Variants in HHIPL1 observed in about 807,000 individuals in gnomAD.
HHIPL1 encodes HHIP like 1.
A neutral mutation model predicts 61.8 loss-of-function variants in HHIPL1; 43 were observed. The ratio of observed to expected loss-of-function variants is 0.70; its 90% CI spans 0.55 to 0.90. The LOEUF (loss-of-function observed/expected upper bound fraction) is 0.90. Ranked by LOEUF, HHIPL1 falls within the 40% of genes least tolerant of loss-of-function variation. The pLI is 0.00. For missense variants in HHIPL1, 1,056 were observed against 1,157.7 expected (o/e 0.91, Z 1.28); for synonymous variants, 482 against 515.8 (o/e 0.93, Z 0.89).
intron 6 of HHIPL1, among the ~76,000 whole-genome samples, chr14:99,664,240 G>A (rs535284597): frequency 6.6e-6 from 1 of 152,170 alleles, no homozygotes; most frequent in Non-Finnish European, 1.5e-5. Context: ...CCCCTGCCCG[G>A]CTCAGTGCCC....
At chr14:99,631,048 TTTTCTTTCTTTCTTTCTTTCTTTC>T in the HHIPL1 span, among the ~76,000 whole-genome samples, 70 of 120,506 alleles carry the variant, frequency 5.8e-4, 1 homozygote, top group South Asian at 6.8e-3. Context: ...AGTGGCTCCA[TTTTCTTTCTTTCTTTCTTTCTTTC>T]TTTCTTTCTT....
chr14:99,633,713 C>A, the HHIPL1 span, among the ~76,000 whole-genome samples: 33 of 152,370 alleles, frequency 2.2e-4, no homozygotes, highest in African/African-American at 7.5e-4. Flanking sequence ...CCCTCCCTTA[C>A]AGGGGCCACT....
At position 99,675,533 on chromosome 14, in the gene HHIPL1, G is replaced by A. The variant is rs1286920741; in HGVS notation, c.2256G>A (p.Leu752=). ...GCTGCGCGGGCTGGGAGCGGAACCT[G>A]CTGGAGTGCCAGCACAACGGCGTGG... ...DVRCAGWERN[L]LECQHNGVGT... The change falls in exon 9 of 9, where the codon CTG becomes CTA. Residue 752 remains leucine (L), a synonymous_variant. Coordinates refer to ENST00000330710, the MANE Select transcript of HHIPL1 (RefSeq NM_001127258.3). This position sits in a 1 kb window ranked among gnomAD's most constrained non-coding sequence, Gnocchi z 5.4. The A allele has an allele frequency of 1.3e-6, 2 of 1,541,304 alleles. No homozygotes were observed. Among genetic ancestry groups the A allele is most frequent in the Admixed American group, 2.0e-5 (1 of 50,966 alleles).
chr14:99,607,867 T>C, the HHIPL1 span, among the ~76,000 whole-genome samples: 1 of 152,124 alleles, frequency 6.6e-6, no homozygotes, highest in Non-Finnish European at 1.5e-5. Context: ...TCACTGAACA[T>C]AGAGGAAATC....
the HHIPL1 span, among the ~76,000 whole-genome samples, chr14:99,626,282 G>GTGTGTGTGTATGCA: frequency 7.2e-5 from 11 of 152,186 alleles, no homozygotes; most frequent in Middle Eastern, 3.4e-3. Context: ...GTGTGTGTGT[G>GTGTGTGTGTATGCA]TGTGTGTGTA....
upstream of HHIPL1, among the ~76,000 whole-genome samples, chr14:99,643,075 C>A (rs2055773976): frequency 6.6e-6 from 1 of 151,920 alleles, no homozygotes; most frequent in African/African-American, 2.4e-5. Flanking sequence ...GAGTCTCGCT[C>A]TGTCACCCAG....
the HHIPL1 span, among the ~76,000 whole-genome samples, chr14:99,615,797 C>T: frequency 6.6e-6 from 1 of 152,168 alleles, no homozygotes; most frequent in Non-Finnish European, 1.5e-5. Flanking sequence ...GCTTTGCAGA[C>T]AGAAGCAATC....
At chr14:99,639,958 C>T in the HHIPL1 span, among the ~76,000 whole-genome samples, 1 of 152,212 alleles carries the variant, frequency 6.6e-6, no homozygotes, top group African/African-American at 2.4e-5. Context: ...CCATGCCCCG[C>T]CTAGGCCTTA....
At chr14:99,608,825 A>G in the HHIPL1 span, among the ~76,000 whole-genome samples, 1 of 152,206 alleles carries the variant, frequency 6.6e-6, no homozygotes, top group Non-Finnish European at 1.5e-5. Context: ...ACTGAGGCTC[A>G]CACAGGTTAA....
intron 4 of HHIPL1, 98 bp downstream of exon 4, chr14:99,659,854 CCCCCCG>C: frequency 1.8e-6 from 1 of 566,766 alleles, no homozygotes; most frequent in Non-Finnish European, 2.6e-6. Context: ...GCACCCCCCC[CCCCCCG>C]GAGATCCCTG....
chr14:99,656,826 A>G (rs865816310), intron 2 of HHIPL1, among the ~76,000 whole-genome samples, 174 bp from the exon 3 acceptor site: 702 of 14,736 alleles, frequency 0.048, 140 homozygotes, highest in Middle Eastern at 0.29. Context: ...AAAGAAAGAA[A>G]GAAAGAAAGA....
Position 99,677,195 on chromosome 14 carries a change from C to T in HHIPL1, c.*1569C>T, listed in dbSNP as rs909794362. On this transcript the variant is annotated 3_prime_UTR_variant, in exon 9 of 9. Coordinates refer to ENST00000330710, the MANE Select transcript of HHIPL1 (RefSeq NM_001127258.3). This position sits in a 1 kb window ranked among gnomAD's most constrained non-coding sequence, Gnocchi z 4.3. ...CTTTACAGAATGGGAAACTGAGGCA[C>T]ACAGAGGTTAGATATCTTAGGGCAC... 2 of 152,408 alleles carry T rather than the reference C, an allele frequency of 1.3e-5. No individual in the cohort carries two copies. Among genetic ancestry groups the T allele is most frequent in the African/African-American group, 2.4e-5 (1 of 41,452 alleles). The allele number at this position is 152,408 out of a possible 1,614,324, so 9.4% of individuals were successfully genotyped here. A position where few individuals can be genotyped will look rare whatever the true frequency, so the allele number is the denominator to read the frequency against.
At chr14:99,643,798 CTCTG>C (rs2055784874), upstream of HHIPL1, among the ~76,000 whole-genome samples, 1 of 152,188 alleles carries the variant, frequency 6.6e-6, no homozygotes, top group Admixed American at 6.5e-5. Context: ...ATTTCTCCTC[CTCTG>C]TCTGTGCAGA....
chr14:99,647,612 G>A (rs2055862227), intron 1 of HHIPL1, among the ~76,000 whole-genome samples: 1 of 152,254 alleles, frequency 6.6e-6, no homozygotes, highest in South Asian at 2.1e-4. Flanking sequence ...TCTGGAGTGA[G>A]CTTAGAGACG....
Position 99,675,232 on chromosome 14 carries a change from G to GGGGCGGC in HHIPL1, c.1965_1971dup (p.Arg658AlafsTer162), listed in dbSNP as rs2056374403. On this transcript the variant is annotated frameshift_variant, in exon 9 of 9. Transcript: ENST00000330710. LOFTEE classifies it low-confidence loss of function (END_TRUNC). The surrounding 1 kb of genome is among the most constrained non-coding windows in gnomAD (Gnocchi z 5.4). ...CCCACCCAGCAGCCAGGGAGCCGGA[G>GGGGCGGC]GGGCGGCGGGCGGCGGCGGGGGCGG... 3.3e-6 allele frequency: 4 copies of GGGGCGGC among 1,209,092 alleles called. No homozygotes were observed. Among genetic ancestry groups the GGGGCGGC allele is most frequent in the Non-Finnish European group, 4.1e-6 (4 of 973,720 alleles). 74.9% of individuals were successfully genotyped at this position (1,209,092 alleles called of 1,614,324 possible). A position where few individuals can be genotyped will look rare whatever the true frequency, so the allele number is the denominator to read the frequency against.
At chr14:99,651,796 G>A (rs1434434829) in intron 1 of HHIPL1, among the ~76,000 whole-genome samples, 1 of 152,168 alleles carries the variant, frequency 6.6e-6, no homozygotes, top group Admixed American at 6.5e-5. Flanking sequence ...AACAGATAGA[G>A]GCCGGAAGGT....
At chr14:99,651,569 C>T (rs1417610402) in intron 1 of HHIPL1, among the ~76,000 whole-genome samples, 1 of 152,148 alleles carries the variant, frequency 6.6e-6, no homozygotes, top group Non-Finnish European at 1.5e-5. Context: ...GAACTCCGCC[C>T]CGTGATCCAG....
chr14:99,645,231 G>C lies in HHIPL1; in HGVS notation c.24G>C (p.Ala8=), dbSNP rs868110132. The change falls in exon 1 of 9, where the codon GCG becomes GCC. Residue 8 remains alanine (A), a synonymous_variant. Coordinates refer to ENST00000330710, the MANE Select transcript of HHIPL1 (RefSeq NM_001127258.3). MARARAG[A]LLALWVLGAA... ...CGATGGCCCGGGCCAGGGCCGGGGC[G>C]CTGCTGGCGCTTTGGGTGCTCGGGG... is the stretch of plus-strand genomic sequence containing the variant. The C allele has an allele frequency of 3.0e-6, 4 of 1,328,776 alleles. No homozygotes were observed. The highest frequency in any genetic ancestry group is 3.1e-5 in the African/African-American group (2 of 65,106). The allele number at this position is 1,328,776 out of a possible 1,614,324, so 82.3% of individuals were successfully genotyped here. A position where few individuals can be genotyped will look rare whatever the true frequency, so the allele number is the denominator to read the frequency against.
chr14:99,645,537 G>C (rs1038634035), intron 1 of HHIPL1, 75 bp downstream of exon 1: 3 of 1,229,700 alleles, frequency 2.4e-6, no homozygotes, highest in Non-Finnish European at 3.0e-6. Context: ...GGAACCCCGC[G>C]GGGGCGAGGG....
Sources: gnomAD v4.1 joint callset for allele counts (sites outside exome capture counted in the v4.1 genomes callset) on GRCh38, gnomAD v4.1.1 for gene constraint, Gnocchi (gnomAD v3.1) non-coding constraint, MANE v1.5 for transcripts, NCBI Gene and HGNC (gene_info 2026-07-23, HGNC 2026-07-21) for gene names.